RBFOX1: variants seen among roughly 807,000 people sequenced by gnomAD.
The protein encoded by RBFOX1 is RNA binding fox-1 homolog 1, also known as RNA binding protein fox-1 homolog 1.
RBFOX1 carries 8 observed loss-of-function variants against 57.7 expected under a neutral mutation model. The ratio of observed to expected loss-of-function variants is 0.14; its 90% CI spans 0.08 to 0.25. The LOEUF is 0.25. RBFOX1 is among the 10% of genes least tolerant of loss of function. RBFOX1 has a pLI of 1.00. For missense variants in RBFOX1, 611 were observed against 548.5 expected (o/e 1.11, Z -1.14); for synonymous variants, 326 against 222.4 (o/e 1.47, Z -4.15).
intron 2 of RBFOX1, among the ~76,000 whole-genome samples, chr16:6,534,736 A>C (rs776339633): frequency 6.6e-6 from 1 of 152,084 alleles, no homozygotes; most frequent in Non-Finnish European, 1.5e-5. Flanking sequence ...AAAGAGGGAG[A>C]AGGGAATTTT....
chr16:6,186,311 G>T (rs1434198023), intron 1 of RBFOX1, among the ~76,000 whole-genome samples: 1 of 152,124 alleles, frequency 6.6e-6, no homozygotes, highest in Non-Finnish European at 1.5e-5. Context: ...ATTTTTCTGT[G>T]CAAGGGAATT....
intron 4 of RBFOX1, among the ~76,000 whole-genome samples, chr16:7,180,657 G>C (rs939863575): frequency 6.6e-6 from 1 of 151,592 alleles, no homozygotes; most frequent in African/African-American, 2.4e-5. Flanking sequence ...ATTTACTTGG[G>C]GAAAATTAGC....
chr16:7,512,914 C>G (rs1057082078), intron 4 of RBFOX1, among the ~76,000 whole-genome samples: 3 of 152,294 alleles, frequency 2.0e-5, no homozygotes, highest in East Asian at 3.9e-4. Flanking sequence ...GAGTAACACA[C>G]CAACAGCTAA....
At chr16:7,504,584 G>C (rs570243355) in intron 4 of RBFOX1, among the ~76,000 whole-genome samples, 1 of 149,158 alleles carries the variant, frequency 6.7e-6, no homozygotes, top group Non-Finnish European at 1.5e-5. Context: ...CATTGTTGCC[G>C]AAAGACTTAG....
intron 6 of RBFOX1, among the ~76,000 whole-genome samples, chr16:7,583,191 G>T (rs1034979): frequency 0.028 from 4,199 of 150,552 alleles, 175 homozygotes; most frequent in African/African-American, 0.097. Flanking sequence ...ACATTCCTTG[G>T]GCAAGATATA....
In RBFOX1 at chr16:6,378,403, C is replaced by T. The variant is rs112850139; in HGVS notation, c.-64+61346C>T. On this transcript the variant is annotated intron_variant, in intron 2 of 15. Transcript: ENST00000550418. ...CTCGCTGGGCATCTTTCTGCACTAG[C>T]CTGTCAGCATGCTGGAAGCAGCACC... Among the ~76,000 whole-genome samples the T allele has an allele frequency of 8.4e-3, 1,274 of 152,290 alleles. 12 individuals are homozygous for T. The highest frequency in any genetic ancestry group is 0.029 in the African/African-American group (1,220 of 41,568).
At chr16:7,084,431 G>A (rs1184333361) in intron 4 of RBFOX1, among the ~76,000 whole-genome samples, 1 of 152,154 alleles carries the variant, frequency 6.6e-6, no homozygotes, top group Non-Finnish European at 1.5e-5. Flanking sequence ...AAAAGAAAAT[G>A]TGAATTTGCA....
intron 3 of RBFOX1, among the ~76,000 whole-genome samples, chr16:6,734,173 T>C (rs183534772): frequency 8.5e-5 from 13 of 152,294 alleles, no homozygotes; most frequent in Admixed American, 7.8e-4. Flanking sequence ...TTTTGTGCTT[T>C]TGATTTCAGC....
At chr16:7,072,524 A>G (rs1421281819) in intron 4 of RBFOX1, among the ~76,000 whole-genome samples, 4 of 152,210 alleles carry the variant, frequency 2.6e-5, no homozygotes, top group Non-Finnish European at 5.9e-5. Context: ...ATGTTTGCAA[A>G]TACCAGTGGC....
intron 3 of RBFOX1, among the ~76,000 whole-genome samples, chr16:5,778,226 C>A (rs894363408): frequency 2.0e-5 from 3 of 152,146 alleles, no homozygotes; most frequent in Non-Finnish European, 4.4e-5. Flanking sequence ...CCAGAATCAT[C>A]CATGTGTGGA....
intron 1 of RBFOX1, among the ~76,000 whole-genome samples, chr16:6,159,763 T>G (rs2096864407): frequency 6.6e-6 from 1 of 152,200 alleles, no homozygotes; most frequent in Non-Finnish European, 1.5e-5. Flanking sequence ...GGGATGTGAT[T>G]TGGTTCCACC....
At chr16:5,388,194 G>A (rs1052360582) in intron 1 of RBFOX1, among the ~76,000 whole-genome samples, 1 of 152,196 alleles carries the variant, frequency 6.6e-6, no homozygotes. Flanking sequence ...GACAGCAGTA[G>A]CAGGAAACCA....
At chr16:5,617,597 T>C (rs547401103) in intron 3 of RBFOX1, among the ~76,000 whole-genome samples, 3 of 152,216 alleles carry the variant, frequency 2.0e-5, no homozygotes, top group Non-Finnish European at 2.9e-5. Context: ...CTGCATTCTT[T>C]GGGTTTTGCC....
intron 3 of RBFOX1, among the ~76,000 whole-genome samples, chr16:6,890,420 G>C (rs528521197): frequency 6.6e-6 from 1 of 152,190 alleles, no homozygotes; most frequent in African/African-American, 2.4e-5. Flanking sequence ...TTGGAAGGCT[G>C]AGGCTGGAGG....
At chr16:7,103,019 G>A (rs190699274) in intron 4 of RBFOX1, among the ~76,000 whole-genome samples, 4,023 of 150,678 alleles carry the variant, frequency 0.027, 79 homozygotes, top group Middle Eastern at 0.051. Flanking sequence ...ACACACACAC[G>A]TCTATTTGTC....
At chr16:5,941,690 A>G (rs1275030209) in intron 4 of RBFOX1, among the ~76,000 whole-genome samples, 1 of 151,834 alleles carries the variant, frequency 6.6e-6, no homozygotes, top group African/African-American at 2.4e-5. Context: ...GTCATTTTAA[A>G]TGAACTAGCC....
chr16:7,176,009 G>A (rs530662334), intron 4 of RBFOX1, among the ~76,000 whole-genome samples: 2 of 151,962 alleles, frequency 1.3e-5, no homozygotes, highest in Non-Finnish European at 2.9e-5. Flanking sequence ...GCAGCCATCC[G>A]ATGTGAGTGT....
chr16:7,289,138 G>C (rs2095709554), intron 4 of RBFOX1, among the ~76,000 whole-genome samples: 1 of 152,192 alleles, frequency 6.6e-6, no homozygotes, highest in Admixed American at 6.5e-5. Flanking sequence ...AGAGATGTCT[G>C]TGGCTGAGTT....
At chr16:7,212,010 T>A (rs538057254) in intron 4 of RBFOX1, among the ~76,000 whole-genome samples, 1 of 152,226 alleles carries the variant, frequency 6.6e-6, no homozygotes, top group Middle Eastern at 3.4e-3. Context: ...TAACCTGCCT[T>A]GCCTGGCTGA....
Sources: allele counts gnomAD v4.1 joint callset (sites outside exome capture counted in the v4.1 genomes callset), GRCh38; gene constraint gnomAD v4.1.1; transcripts MANE v1.5; gene names NCBI Gene and HGNC (gene_info 2026-07-23, HGNC 2026-07-21).